FHIT: variants seen among roughly 807,000 people sequenced by gnomAD.
The protein encoded by FHIT is bis(5'-adenosyl)-triphosphatase.
A neutral mutation model predicts 17.9 loss-of-function variants in FHIT; 19 were observed. The ratio of observed to expected loss-of-function variants is 1.06; its 90% CI spans 0.74 to 1.56. The LOEUF is 1.56. Among genes scored for constraint, FHIT ranks in the 40% most tolerant of loss-of-function variants. The pLI, the probability that FHIT is intolerant of heterozygous loss-of-function variation, is 0.00. For synonymous variants in FHIT, 81 were observed against 69.7 expected, an observed-to-expected ratio of 1.16 and a Z score of -0.81; for missense variants, 248 against 189.2, an observed-to-expected ratio of 1.31 and a Z score of -1.82.
At chr3:60,607,246 A>C (rs191711144) in intron 4 of FHIT, among the ~76,000 whole-genome samples, 50 of 152,130 alleles carry the variant, frequency 3.3e-4, no homozygotes, top group African/African-American at 1.2e-3. Flanking sequence ...AGAATAATAT[A>C]AATTTTCAGA....
At chr3:59,851,856 C>T (rs969721080) in intron 8 of FHIT, among the ~76,000 whole-genome samples, 6 of 152,144 alleles carry the variant, frequency 3.9e-5, no homozygotes, top group African/African-American at 9.7e-5. Context: ...AAATCAGACA[C>T]GACTTTGCAG....
chr3:60,557,568 G>A (rs2036784572), intron 4 of FHIT, among the ~76,000 whole-genome samples: 1 of 151,684 alleles, frequency 6.6e-6, no homozygotes, highest in African/African-American at 2.4e-5. Context: ...GACAGGCCAA[G>A]GGTGTACCCA....
At chr3:60,978,933 C>T (rs746428241) in intron 3 of FHIT, among the ~76,000 whole-genome samples, 6 of 152,274 alleles carry the variant, frequency 3.9e-5, no homozygotes, top group Middle Eastern at 3.4e-3. Context: ...CTTCCCATTT[C>T]GAATACTTTT....
chr3:59,763,692 C>A lies in FHIT; in HGVS notation c.349-11371G>T, dbSNP rs1438485368. Among the ~76,000 whole-genome samples the A allele has an allele frequency of 2.6e-5, 4 of 152,100 alleles. No individual in the cohort carries two copies. In the South Asian group the frequency reaches 6.2e-4, roughly 24 times the overall value. On this transcript the variant is annotated intron_variant, in intron 8 of 9. Transcript: ENST00000492590. ...GAATAAAAGAGGGAGCTACCTGAGA[C>A]AATATGGTCAGAAAAGACTGCTCTG...
chr3:61,048,609 C>T (rs1343208406), intron 2 of FHIT, among the ~76,000 whole-genome samples: 2 of 152,072 alleles, frequency 1.3e-5, no homozygotes, highest in African/African-American at 4.8e-5. Flanking sequence ...ACCATTTGAC[C>T]CAGCCATCCT....
At chr3:60,128,546 C>G (rs765956116) in intron 5 of FHIT, among the ~76,000 whole-genome samples, 11 of 152,202 alleles carry the variant, frequency 7.2e-5, no homozygotes, top group Non-Finnish European at 1.2e-4. Flanking sequence ...AATACAAACC[C>G]TTACTATGCA....
chr3:60,382,896 G>A (rs1576574106), intron 5 of FHIT, among the ~76,000 whole-genome samples: 1 of 152,100 alleles, frequency 6.6e-6, no homozygotes, highest in East Asian at 1.9e-4. Flanking sequence ...CCCAAACACT[G>A]CTTCCACTTC....
At chr3:60,410,349 G>C (rs868033994) in intron 5 of FHIT, among the ~76,000 whole-genome samples, 12 of 152,292 alleles carry the variant, frequency 7.9e-5, no homozygotes, top group Middle Eastern at 3.4e-3. Flanking sequence ...TATGTCTAAA[G>C]AGGAGAAAAG....
intron 5 of FHIT, among the ~76,000 whole-genome samples, chr3:60,321,186 A>C (rs1048569743): frequency 6.6e-6 from 1 of 152,212 alleles, no homozygotes; most frequent in African/African-American, 2.4e-5. Flanking sequence ...ATCTCATTAC[A>C]TTCTGACAGC....
At chr3:60,500,773 A>T (rs1190420829) in intron 5 of FHIT, among the ~76,000 whole-genome samples, 10 of 99,714 alleles carry the variant, frequency 1.0e-4, no homozygotes, top group African/African-American at 4.4e-4. Flanking sequence ...CATCCATCTA[A>T]AAAAAAAAAA....
chr3:60,119,371 C>G (rs1020145298), intron 5 of FHIT, among the ~76,000 whole-genome samples: 1 of 141,994 alleles, frequency 7.0e-6, no homozygotes. Context: ...TCATGCCCAG[C>G]CTATATTTCT....
At chr3:59,764,284 C>G (rs1184191441) in intron 8 of FHIT, among the ~76,000 whole-genome samples, 1 of 152,184 alleles carries the variant, frequency 6.6e-6, no homozygotes, top group East Asian at 1.9e-4. Context: ...TTTGGCAGAG[C>G]TAAAAGAGCT....
chr3:60,207,694 G>C (rs762921077), intron 5 of FHIT, among the ~76,000 whole-genome samples: 1 of 152,068 alleles, frequency 6.6e-6, no homozygotes, highest in Non-Finnish European at 1.5e-5. Flanking sequence ...GAAACCTATA[G>C]AATTCGTATG....
At chr3:59,980,997 T>C (rs1043558915) in intron 7 of FHIT, among the ~76,000 whole-genome samples, 13 of 152,172 alleles carry the variant, frequency 8.5e-5, no homozygotes, top group Admixed American at 8.5e-4. Context: ...TTTGTAGTTA[T>C]GTTACCCAAA....
intron 5 of FHIT, among the ~76,000 whole-genome samples, chr3:60,240,189 T>C (rs1432278035): frequency 6.6e-6 from 1 of 152,132 alleles, no homozygotes; most frequent in Non-Finnish European, 1.5e-5. Flanking sequence ...AACTATAAAA[T>C]GGGTTCCAGT....
chr3:60,011,586 T>C (rs576726821), intron 6 of FHIT, among the ~76,000 whole-genome samples, 186 bp from the exon 7 acceptor site: 94 of 151,924 alleles, frequency 6.2e-4, no homozygotes, highest in African/African-American at 2.1e-3. Context: ...TGAGAGTAAG[T>C]GCGAAGTTAT....
intron 1 of FHIT, among the ~76,000 whole-genome samples, chr3:61,231,307 CATA>C (rs1560098109): frequency 6.6e-6 from 1 of 152,018 alleles, no homozygotes; most frequent in Non-Finnish European, 1.5e-5. Flanking sequence ...GCCTGGACAA[CATA>C]ATAAGACCCC....
chr3:61,138,525 C>A (rs191965869), intron 2 of FHIT, among the ~76,000 whole-genome samples: 7 of 152,300 alleles, frequency 4.6e-5, no homozygotes, highest in Admixed American at 1.3e-4. Context: ...ACTGCAATGA[C>A]ACCTAAGGGA....
rs59023004 is a variant in FHIT at position 60,184,739 on chromosome 3, A to G, written c.104-170587T>C. Among the ~76,000 whole-genome samples the G allele has an allele frequency of 1.0e-2, 1,521 of 152,338 alleles. 31 individuals are homozygous for G. The highest frequency in any genetic ancestry group is 0.035 in the African/African-American group (1,457 of 41,566). The stretch of plus-strand genomic sequence containing the variant: ...TGAGAGCTAGGCTCCAGCTCCTTGC[A>G]GTATTTATGAGAACTATCCGGAATT... On this transcript the variant is annotated intron_variant, in intron 5 of 9. Transcript: ENST00000492590.
Sources: allele counts gnomAD v4.1 joint callset (sites outside exome capture counted in the v4.1 genomes callset), GRCh38; gene constraint gnomAD v4.1.1; transcripts MANE v1.5; gene names NCBI Gene and HGNC (gene_info 2026-07-23, HGNC 2026-07-21).